Variants in MAD1L1 observed in about 807,000 individuals in gnomAD.
The protein encoded by MAD1L1 is mitotic spindle assembly checkpoint protein MAD1.
In MAD1L1, 95 loss-of-function variants were observed where a neutral mutation model predicts 96.9. That is an observed-to-expected ratio of 0.98 (90% CI 0.83 to 1.16). The LOEUF (loss-of-function observed/expected upper bound fraction) is 1.16, where lower values mean the gene tolerates loss of function less well. Among genes scored for constraint, MAD1L1 ranks in the 50% most tolerant of loss-of-function variants. The pLI is 0.00. For missense variants in MAD1L1, 1,007 were observed against 954.4 expected, an observed-to-expected ratio of 1.06 and a Z score of -0.73; for synonymous variants, 473 against 396.6, an observed-to-expected ratio of 1.19 and a Z score of -2.29.
chr7:1,916,949 C>A (rs193248986), intron 17 of MAD1L1, among the ~76,000 whole-genome samples: 146 of 152,300 alleles, frequency 9.6e-4, no homozygotes, highest in African/African-American at 3.4e-3. Flanking sequence ...CCAACGAGAA[C>A]CGAGGCTGGG....
chr7:1,877,210 T>C (rs2128661260), intron 18 of MAD1L1, among the ~76,000 whole-genome samples: 1 of 152,216 alleles, frequency 6.6e-6, no homozygotes. Context: ...GGGCCAATTC[T>C]GGCCCACCGC....
intron 14 of MAD1L1, among the ~76,000 whole-genome samples, chr7:1,983,252 T>C (rs1369585250): frequency 6.6e-6 from 1 of 152,114 alleles, no homozygotes; most frequent in African/African-American, 2.4e-5. Context: ...TTCCCCTCCT[T>C]TTCCCACAGT....
chr7:1,938,645 A>G (rs1778739532), intron 16 of MAD1L1, among the ~76,000 whole-genome samples: 1 of 152,210 alleles, frequency 6.6e-6, no homozygotes, highest in African/African-American at 2.4e-5. Context: ...AAAATCTGCA[A>G]AACATGTGAG....
At chr7:1,924,453 C>A (rs1193917842) in intron 17 of MAD1L1, among the ~76,000 whole-genome samples, 3 of 152,314 alleles carry the variant, frequency 2.0e-5, no homozygotes, top group Middle Eastern at 3.4e-3. Flanking sequence ...TCAGAAACCA[C>A]AGAAGCCAGA....
chr7:1,987,644 C>A (rs1409342266), intron 14 of MAD1L1, among the ~76,000 whole-genome samples: 3 of 152,226 alleles, frequency 2.0e-5, no homozygotes, highest in Non-Finnish European at 4.4e-5. Context: ...AACTGCAGTG[C>A]CCTCGCCCAG....
chr7:1,903,899 C>G (rs11770260), intron 17 of MAD1L1, among the ~76,000 whole-genome samples: 1 of 102,732 alleles, frequency 9.7e-6, no homozygotes, highest in African/African-American at 3.2e-5. Context: ...TCTTGCGGAA[C>G]TCATGATTGA....
In MAD1L1 at chr7:2,002,138, G is replaced by A. The variant is rs2128492727; in HGVS notation, c.1360-17C>T. ...CAGCTGAGCCTGCAAGACAAGACAG[G>A]ATTCGGCCTGAGACTGTGGTGGGCC... On this transcript the variant is annotated splice_polypyrimidine_tract_variant and intron_variant, in intron 13 of 18. Coordinates refer to ENST00000265854, the MANE Select transcript of MAD1L1 (RefSeq NM_001013836.2). The A allele has an allele frequency of 6.2e-7, 1 of 1,612,286 alleles. No homozygotes were observed. Among genetic ancestry groups the A allele is most frequent in the South Asian group, 1.1e-5 (1 of 91,082 alleles).
At chr7:1,926,136 G>C (rs1789075368) in intron 17 of MAD1L1, among the ~76,000 whole-genome samples, 1 of 152,252 alleles carries the variant, frequency 6.6e-6, no homozygotes, top group Non-Finnish European at 1.5e-5. Flanking sequence ...ACAATTCACT[G>C]CTCATACATT....
chr7:2,013,879 C>G (rs530425521), intron 13 of MAD1L1, among the ~76,000 whole-genome samples: 5 of 152,362 alleles, frequency 3.3e-5, no homozygotes, highest in African/African-American at 1.2e-4. Context: ...CAGGTGAGAG[C>G]TGCTCAGAGC....
chr7:2,003,981 A>G (rs1781917676), intron 13 of MAD1L1, among the ~76,000 whole-genome samples: 1 of 152,164 alleles, frequency 6.6e-6, no homozygotes, highest in African/African-American at 2.4e-5. Flanking sequence ...GGGCCTAGAC[A>G]CAACGCACTT....
chr7:2,041,889 C>T (rs770594074), intron 12 of MAD1L1, among the ~76,000 whole-genome samples: 4 of 152,184 alleles, frequency 2.6e-5, no homozygotes, highest in Non-Finnish European at 4.4e-5. Flanking sequence ...GGCCTGGCCA[C>T]GCTGCACCCA....
At chr7:2,044,291 T>A (rs115063129) in intron 12 of MAD1L1, among the ~76,000 whole-genome samples, 1 of 152,144 alleles carries the variant, frequency 6.6e-6, no homozygotes, top group Non-Finnish European at 1.5e-5. Context: ...GCAACGAAAC[T>A]GAGACACAGA....
intron 18 of MAD1L1, among the ~76,000 whole-genome samples, chr7:1,852,899 G>A (rs1206238455): frequency 1.3e-5 from 2 of 152,068 alleles, no homozygotes; most frequent in Non-Finnish European, 2.9e-5. Context: ...AGGACGGGCC[G>A]CTGTCCCTGG....
chr7:1,944,367 C>T (rs1045274234), intron 16 of MAD1L1, among the ~76,000 whole-genome samples: 3 of 152,156 alleles, frequency 2.0e-5, no homozygotes, highest in African/African-American at 4.8e-5. Context: ...GTGGAATGTG[C>T]GTCGCATTTC....
intron 17 of MAD1L1, among the ~76,000 whole-genome samples, chr7:1,915,733 G>C (rs1263794259): frequency 6.6e-6 from 1 of 152,240 alleles, no homozygotes; most frequent in Non-Finnish European, 1.5e-5. Flanking sequence ...TTTTCCGCCA[G>C]CGGGGCCAAA....
intron 18 of MAD1L1, among the ~76,000 whole-genome samples, chr7:1,886,504 A>G (rs904268645): frequency 1.3e-5 from 2 of 152,244 alleles, no homozygotes; most frequent in Admixed American, 6.5e-5. Context: ...GGGCTCGGTG[A>G]CAAGAATGGG....
intron 11 of MAD1L1, among the ~76,000 whole-genome samples, chr7:2,098,736 C>T (rs1414133452): frequency 3.7e-5 from 5 of 134,094 alleles, no homozygotes; most frequent in African/African-American, 8.5e-5. Flanking sequence ...GATAGCTGCC[C>T]GGCATGAGCC....
At chr7:2,029,424 G>C (rs1047959217) in intron 12 of MAD1L1, among the ~76,000 whole-genome samples, 1 of 152,180 alleles carries the variant, frequency 6.6e-6, no homozygotes, top group African/African-American at 2.4e-5. Flanking sequence ...GCCGGCAGGT[G>C]AACTTGGGAG....
At chr7:2,009,700 G>A (rs1314645774) in intron 13 of MAD1L1, among the ~76,000 whole-genome samples, 1 of 152,206 alleles carries the variant, frequency 6.6e-6, no homozygotes, top group East Asian at 1.9e-4. Flanking sequence ...TGCAGCCCCT[G>A]ATGCAAGGAA....
Sources: allele counts gnomAD v4.1 joint callset (sites outside exome capture counted in the v4.1 genomes callset), GRCh38; gene constraint gnomAD v4.1.1; transcripts MANE v1.5; gene names NCBI Gene and HGNC (gene_info 2026-07-23, HGNC 2026-07-21).